The following GRIN2B variants were observed in gnomAD, a reference collection of about 807,000 sequenced individuals.
The protein encoded by GRIN2B is glutamate ionotropic receptor NMDA type subunit 2B, also known as glutamate receptor ionotropic, NMDA 2B.
GRIN2B carries 5 observed loss-of-function variants against 114.5 expected under a neutral mutation model. That is an observed-to-expected ratio of 0.04 (90% CI 0.02 to 0.09). The LOEUF (loss-of-function observed/expected upper bound fraction) is 0.09, where lower values mean the gene tolerates loss of function less well. GRIN2B is among the 10% of genes least tolerant of loss of function. GRIN2B has a pLI of 1.00. For missense variants in GRIN2B, 1,108 were observed against 1,943.5 expected, an observed-to-expected ratio of 0.57 and a Z score of 8.08; for synonymous variants, 787 against 745.1, an observed-to-expected ratio of 1.06 and a Z score of -0.92.
At chr12:13,657,446 G>T (rs955396726) in intron 5 of GRIN2B, among the ~76,000 whole-genome samples, 2 of 152,274 alleles carry the variant, frequency 1.3e-5, no homozygotes, top group East Asian at 1.9e-4. Flanking sequence ...TCCCAGGAGG[G>T]CAGTGCTTGC....
At chr12:13,883,974 A>T (rs1365838706) in intron 2 of GRIN2B, among the ~76,000 whole-genome samples, 1 of 152,186 alleles carries the variant, frequency 6.6e-6, no homozygotes, top group Non-Finnish European at 1.5e-5. Flanking sequence ...TACATGGCAC[A>T]AGCTATGAGT....
intron 3 of GRIN2B, among the ~76,000 whole-genome samples, chr12:13,777,969 T>G (rs561066699): frequency 6.6e-6 from 1 of 152,332 alleles, no homozygotes; most frequent in Admixed American, 6.5e-5. Flanking sequence ...ACAATTGAAA[T>G]TCAAAGTCAA....
intron 4 of GRIN2B, among the ~76,000 whole-genome samples, chr12:13,701,140 C>G (rs1265027794): frequency 6.6e-6 from 1 of 152,140 alleles, no homozygotes; most frequent in African/African-American, 2.4e-5. Flanking sequence ...AGAACTCACT[C>G]ACTATCACAA....
At chr12:13,566,037 C>T (rs1806203) in intron 13 of GRIN2B, among the ~76,000 whole-genome samples, 14,083 of 152,120 alleles carry the variant, frequency 0.093, 744 homozygotes, top group African/African-American at 0.12. Context: ...TAGGGAAGGG[C>T]TACCAAGGAA....
intron 4 of GRIN2B, among the ~76,000 whole-genome samples, chr12:13,729,523 G>A (rs1863046510): frequency 6.6e-6 from 1 of 152,112 alleles, no homozygotes; most frequent in Non-Finnish European, 1.5e-5. Context: ...AGAGTCATTA[G>A]GGAGAAAGCT....
chr12:13,921,769 A>G (rs1388502665), intron 2 of GRIN2B, among the ~76,000 whole-genome samples: 1 of 152,132 alleles, frequency 6.6e-6, no homozygotes, highest in African/African-American at 2.4e-5. Context: ...GGAAGACACC[A>G]TGTCTAATGA....
At chr12:13,902,911 T>G (rs545253765) in intron 2 of GRIN2B, among the ~76,000 whole-genome samples, 1 of 152,348 alleles carries the variant, frequency 6.6e-6, no homozygotes. Context: ...AGATTTCTAT[T>G]ACTAATAATT....
At chr12:13,830,326 A>G (rs915670856) in intron 3 of GRIN2B, among the ~76,000 whole-genome samples, 1 of 152,216 alleles carries the variant, frequency 6.6e-6, no homozygotes, top group African/African-American at 2.4e-5. Context: ...AAACTGAAAC[A>G]AATAAGGTTA....
Position 13,615,678 on chromosome 12 carries a change from GAAACAA to G in GRIN2B, c.1329-20_1329-15del. On this transcript the variant is annotated splice_polypyrimidine_tract_variant and intron_variant, in intron 6 of 13. Coordinates refer to ENST00000609686, the MANE Select transcript of GRIN2B (RefSeq NM_000834.5). This position sits in a 1 kb window ranked among gnomAD's most constrained non-coding sequence, Gnocchi z 5.8. ...TCTGTTTTATTCCTAGCCAATTAAA[GAAACAA>G]AAACAAACAAACAAAAAAGTCTTTG... The G allele has an allele frequency of 6.2e-7, 1 of 1,610,760 alleles. No individual in the cohort carries two copies. The highest frequency in any genetic ancestry group is 8.5e-7 in the Non-Finnish European group (1 of 1,177,172).
intron 5 of GRIN2B, among the ~76,000 whole-genome samples, chr12:13,638,943 C>A (rs547244147): frequency 3.9e-5 from 6 of 152,120 alleles, no homozygotes; most frequent in East Asian, 1.9e-4. Context: ...CCTCTTTGCA[C>A]GTTTGTTGTA....
In GRIN2B at chr12:13,567,273, G is replaced by A. The variant is rs1233122581; in HGVS notation, c.2360-10C>T. 1 of 1,583,506 alleles carries A rather than the reference G, an allele frequency of 6.3e-7. No homozygotes were observed. The highest frequency in any genetic ancestry group is 2.2e-5 in the East Asian group (1 of 44,726). ...AGTTCTTCCATCTCCCCTGGGGAAA[G>A]GACAGAGAAGGAAAATGGATAAAAA... On this transcript the variant is annotated splice_polypyrimidine_tract_variant and intron_variant, in intron 12 of 13. Coordinates refer to ENST00000609686, the MANE Select transcript of GRIN2B (RefSeq NM_000834.5).
chr12:13,909,344 C>T (rs1285121135), intron 2 of GRIN2B, among the ~76,000 whole-genome samples: 1 of 152,128 alleles, frequency 6.6e-6, no homozygotes, highest in African/African-American at 2.4e-5. Context: ...TGGATTCATC[C>T]CAGGGTGTTT....
chr12:13,941,386 C>T (rs1368335305), intron 2 of GRIN2B, among the ~76,000 whole-genome samples: 1 of 152,124 alleles, frequency 6.6e-6, no homozygotes, highest in Non-Finnish European at 1.5e-5. Context: ...CATGATAAGG[C>T]TGAGGCAGGT....
At chr12:13,616,743 G>A in intron 5 of GRIN2B, 86 bp from the exon 6 acceptor site, 2 of 1,067,536 alleles carry the variant, frequency 1.9e-6, no homozygotes, top group South Asian at 2.5e-5. Context: ...ACAATCCCAG[G>A]AAGCAGTTGA....
intron 3 of GRIN2B, among the ~76,000 whole-genome samples, chr12:13,859,272 G>GA (rs1174719429): frequency 6.6e-6 from 1 of 152,148 alleles, no homozygotes; most frequent in Non-Finnish European, 1.5e-5. Context: ...CACGTCCCTG[G>GA]AAAATGTATG....
chr12:13,971,279 T>C (rs1477452201), intron 2 of GRIN2B, among the ~76,000 whole-genome samples: 1 of 152,176 alleles, frequency 6.6e-6, no homozygotes, highest in Admixed American at 6.5e-5. Context: ...AAGTAGTGTT[T>C]TTATTCTTTT....
At chr12:13,849,585 A>G (rs1483470927) in intron 3 of GRIN2B, among the ~76,000 whole-genome samples, 2 of 152,088 alleles carry the variant, frequency 1.3e-5, no homozygotes, top group Non-Finnish European at 2.9e-5. Flanking sequence ...AGGTTCTGGC[A>G]GAGACCCCAG....
intron 5 of GRIN2B, among the ~76,000 whole-genome samples, chr12:13,643,991 A>T (rs1223950576): frequency 6.6e-6 from 1 of 152,156 alleles, no homozygotes; most frequent in Non-Finnish European, 1.5e-5. Context: ...GGGCCGGAAT[A>T]AACTTTTTCT....
At position 13,539,612 on chromosome 12, in the gene GRIN2B, T is replaced by C. The variant is rs2136376233; in HGVS notation, c.*23171A>G. On this transcript the variant is annotated 3_prime_UTR_variant, in exon 14 of 14. Transcript: ENST00000609686. ...CTGACACCTCCAAGCAATGGAAGTA[T>C]GCATTAAAGAGTAAAACAATTACCA... 6.6e-6 allele frequency: 1 copy of C among 151,256 alleles called. No homozygotes were observed. Among genetic ancestry groups the C allele is most frequent in the Admixed American group, 6.6e-5 (1 of 15,216 alleles). The allele number at this position is 151,256 out of a possible 1,614,324, so 9.4% of individuals were successfully genotyped here.
Sources: gnomAD v4.1 joint callset for allele counts (sites outside exome capture counted in the v4.1 genomes callset) on GRCh38, gnomAD v4.1.1 for gene constraint, Gnocchi (gnomAD v3.1) non-coding constraint, MANE v1.5 for transcripts, NCBI Gene and HGNC (gene_info 2026-07-23, HGNC 2026-07-21) for gene names.